The following GNAS-AS1 variants were observed in gnomAD, a reference collection of about 807,000 sequenced individuals.
The protein encoded by GNAS-AS1 is GNAS antisense RNA 1, also known as GNAS antisense RNA 1 (non-protein coding).
chr20:58,850,749 C>G, exon 1 of GNAS-AS1: 2 of 398,856 alleles, frequency 5.0e-6, no homozygotes, highest in Non-Finnish European at 8.8e-6. Flanking sequence ...CCACCTCTCC[C>G]CCGAGGCTCG....
At chr20:58,847,762 C>T (rs1340388999) in intron 2 of GNAS-AS1, among the ~76,000 whole-genome samples, 1 of 152,192 alleles carries the variant, frequency 6.6e-6, no homozygotes, top group Non-Finnish European at 1.5e-5. Context: ...ACCTCCCTTC[C>T]CTCTCTCTAC....
chr20:58,841,971 T>A lies in GNAS-AS1; in HGVS notation n.785A>T. ...CCAAAGAGCGCGGTACGCGCAGAGC[T>A]GGGGAAAGGTGTTGGATCCGGCGCC... On this transcript the variant is annotated non_coding_transcript_exon_variant, in exon 4 of 5. Coordinates refer to ENST00000424094, the Ensembl canonical transcript of GNAS-AS1. The surrounding 1 kb of genome is among the most constrained non-coding windows in gnomAD (Gnocchi z 5.0). 1.9e-6 allele frequency: 2 copies of A among 1,068,796 alleles called. No individual in the cohort carries two copies. Among genetic ancestry groups the A allele is most frequent in the East Asian group, 6.5e-5 (2 of 30,964 alleles). The allele number at this position is 1,068,796 out of a possible 1,614,324, so 66.2% of individuals were successfully genotyped here. A position where few individuals can be genotyped will look rare whatever the true frequency, so the allele number is the denominator to read the frequency against.
intron 4 of GNAS-AS1, among the ~76,000 whole-genome samples, chr20:58,830,654 TCAC>T (rs1228264337): frequency 5.2e-4 from 30 of 57,718 alleles, no homozygotes; most frequent in Non-Finnish European, 1.0e-3. Context: ...CACACCACCA[TCAC>T]CACCACCACC....
At chr20:58,834,858 C>T (rs2085591785) in intron 4 of GNAS-AS1, among the ~76,000 whole-genome samples, 1 of 152,164 alleles carries the variant, frequency 6.6e-6, no homozygotes, top group Admixed American at 6.5e-5. Context: ...ATTGTAATCC[C>T]AAAAATGGCC....
Position 58,840,878 on chromosome 20 carries a change from T to C in GNAS-AS1, n.819+1059A>G, listed in dbSNP as rs760203169. On this transcript the variant is annotated intron_variant and non_coding_transcript_variant, in intron 4 of 4. Coordinates refer to ENST00000424094, the Ensembl canonical transcript of GNAS-AS1. The surrounding 1 kb of genome is among the most constrained non-coding windows in gnomAD (Gnocchi z 6.0). ...GCCGTCCAGATTCTCCTTGTTTTCA[T>C]GGATTCAGGTTAGTTGCCCACCGCT... 1.9e-6 allele frequency: 3 copies of C among 1,612,676 alleles called. No homozygotes were observed. The South Asian group carries it at 3.3e-5, about 18-fold the overall frequency.
At chr20:58,822,942 C>T (rs1230914679) in intron 4 of GNAS-AS1, among the ~76,000 whole-genome samples, 1 of 152,156 alleles carries the variant, frequency 6.6e-6, no homozygotes, top group Non-Finnish European at 1.5e-5. Context: ...TTGGTGCTTT[C>T]ACACAGTTCT....
In GNAS-AS1 at chr20:58,840,792, C is replaced by T; in HGVS notation, n.819+1145G>A. 6.2e-7 allele frequency: 1 copy of T among 1,611,976 alleles called. No individual in the cohort carries two copies. Among genetic ancestry groups the T allele is most frequent in the Non-Finnish European group, 8.5e-7 (1 of 1,179,920 alleles). On this transcript the variant is annotated intron_variant and non_coding_transcript_variant, in intron 4 of 4. Coordinates refer to ENST00000424094, the Ensembl canonical transcript of GNAS-AS1. The surrounding 1 kb of genome is among the most constrained non-coding windows in gnomAD (Gnocchi z 6.0). ...CCAAAGAAGCCCACCCGCCGTGACG[C>T]GTCCCCGGAGTCCCCTTCCAAAAAG...
intron 4 of GNAS-AS1, among the ~76,000 whole-genome samples, chr20:58,824,858 G>T (rs1327575468): frequency 6.6e-6 from 1 of 152,212 alleles, no homozygotes; most frequent in Non-Finnish European, 1.5e-5. Flanking sequence ...CACTATGGGA[G>T]AACAGACCCA....
At chr20:58,819,949 C>T (rs1055237224) in intron 4 of GNAS-AS1, among the ~76,000 whole-genome samples, 7 of 152,228 alleles carry the variant, frequency 4.6e-5, no homozygotes, top group African/African-American at 1.7e-4. Context: ...CCTCGCACCC[C>T]GCCCCAGGTG....
chr20:58,824,986 A>C (rs1179179078), intron 4 of GNAS-AS1, among the ~76,000 whole-genome samples: 2 of 152,300 alleles, frequency 1.3e-5, no homozygotes, highest in African/African-American at 2.4e-5. Context: ...GGAAGTGAGA[A>C]GTGCCCGGGC....
chr20:58,849,121 G>C (rs1421748808), intron 1 of GNAS-AS1, among the ~76,000 whole-genome samples: 1 of 152,106 alleles, frequency 6.6e-6, no homozygotes. Context: ...AGACATTTTT[G>C]GTTGTTAAAA....
At chr20:58,822,287 G>C (rs1388398471) in intron 4 of GNAS-AS1, among the ~76,000 whole-genome samples, 2 of 152,210 alleles carry the variant, frequency 1.3e-5, no homozygotes, top group Non-Finnish European at 2.9e-5. Context: ...CCACTTTACT[G>C]CAGGGAGAAC....
chr20:58,841,466 G>C lies in GNAS-AS1; in HGVS notation n.819+471C>G. 1.3e-5 allele frequency: 13 copies of C among 992,126 alleles called. No individual in the cohort carries two copies. The highest frequency in any genetic ancestry group is 1.6e-5 in the Non-Finnish European group (13 of 834,326). The allele number at this position is 992,126 out of a possible 1,614,324, so 61.5% of individuals were successfully genotyped here. ...GCGCGCGCGGCGCCTAAGCAGCTCA[G>C]AGCCGGAGCCCAGGTCCCAGAGCTG... is the stretch of plus-strand genomic sequence containing the variant. On this transcript the variant is annotated intron_variant and non_coding_transcript_variant, in intron 4 of 4. Coordinates refer to ENST00000424094, the Ensembl canonical transcript of GNAS-AS1. This position sits in a 1 kb window ranked among gnomAD's most constrained non-coding sequence, Gnocchi z 5.0.
intron 2 of GNAS-AS1, among the ~76,000 whole-genome samples, chr20:58,848,298 C>T (rs2145519099): frequency 6.6e-6 from 1 of 152,368 alleles, no homozygotes; most frequent in East Asian, 1.9e-4. Context: ...CAGCCCTACA[C>T]TCCAGCACAC....
In GNAS-AS1 at chr20:58,843,590, C is replaced by A. The variant is rs557202866; in HGVS notation, n.414-1045G>T. On this transcript the variant is annotated intron_variant and non_coding_transcript_variant, in intron 2 of 4. Coordinates refer to ENST00000424094, the Ensembl canonical transcript of GNAS-AS1. ...GATAGGCTCCCAAGAAAAAGCAGATCTTATGGTGAACCACATAGGTGAATT... is the reference window on the plus strand; with the variant it reads ...GATAGGCTCCCAAGAAAAAGCAGATATTATGGTGAACCACATAGGTGAATT... Among the ~76,000 whole-genome samples the A allele has an allele frequency of 9.2e-5, 14 of 152,304 alleles. 1 individual carries two copies. In the South Asian group the frequency reaches 2.9e-3, roughly 32 times the overall value.
At chr20:58,822,433 A>T (rs2085492967) in intron 4 of GNAS-AS1, among the ~76,000 whole-genome samples, 1 of 152,162 alleles carries the variant, frequency 6.6e-6, no homozygotes, top group African/African-American at 2.4e-5. Context: ...TATGGACAGG[A>T]AGAGGCAGGC....
chr20:58,848,758 G>C (rs893537109), intron 2 of GNAS-AS1: 2 of 395,626 alleles, frequency 5.1e-6, no homozygotes, highest in Non-Finnish European at 8.9e-6. Context: ...TTACTATACC[G>C]GATTCCTCAG....
intron 4 of GNAS-AS1, among the ~76,000 whole-genome samples, chr20:58,830,457 A>G (rs1190857017): frequency 1.7e-5 from 1 of 58,370 alleles, no homozygotes; most frequent in East Asian, 5.5e-4. Context: ...CACCACCATC[A>G]CCACCACCAC....
rs1049324871 is a variant in GNAS-AS1, at chr20:58,841,996, C to G, written n.760G>C. 2.9e-5 allele frequency: 27 copies of G among 928,880 alleles called. No individual in the cohort carries two copies. In the African/African-American group the frequency reaches 3.9e-4, roughly 13 times the overall value. The allele number at this position is 928,880 out of a possible 1,614,324, so 57.5% of individuals were successfully genotyped here. A position where few individuals can be genotyped will look rare whatever the true frequency, so the allele number is the denominator to read the frequency against. On this transcript the variant is annotated non_coding_transcript_exon_variant, in exon 4 of 5. Coordinates refer to ENST00000424094, the Ensembl canonical transcript of GNAS-AS1. The surrounding 1 kb of genome is among the most constrained non-coding windows in gnomAD (Gnocchi z 5.0). Reference sequence around the variant, plus strand: ...TGGGGAAAGGTGTTGGATCCGGCGCCAGTCCTTGGACGATCAGTCGTCGAA... The same window carrying G: ...TGGGGAAAGGTGTTGGATCCGGCGCGAGTCCTTGGACGATCAGTCGTCGAA...
Sources: gnomAD v4.1 joint callset for allele counts (sites outside exome capture counted in the v4.1 genomes callset) on GRCh38, gnomAD v4.1.1 for gene constraint, Gnocchi (gnomAD v3.1) non-coding constraint, MANE v1.5 for transcripts, NCBI Gene and HGNC (gene_info 2026-07-23, HGNC 2026-07-21) for gene names.